SKP2: variants seen among roughly 807,000 people sequenced by gnomAD.
SKP2 encodes S-phase kinase associated protein 2.
A neutral mutation model predicts 51.8 loss-of-function variants in SKP2; 16 were observed. That is an observed-to-expected ratio of 0.31 (90% confidence interval 0.21 to 0.47). SKP2 has a LOEUF of 0.47. SKP2 is among the 20% of genes least tolerant of loss of function. The pLI is 1.00. For missense variants in SKP2, 377 were observed against 505.3 expected (o/e 0.75, Z 2.43); for synonymous variants, 176 against 198.6 (o/e 0.89, Z 0.96).
At chr5:36,192,976 T>G (rs547397304) in intron 7 of SKP2, 1 of 152,342 alleles carries the variant, frequency 6.6e-6, no homozygotes, top group South Asian at 2.1e-4. Flanking sequence ...CCTTTGCCTC[T>G]TATTCTTACA....
Position 36,166,368 on chromosome 5 carries a change from C to T in SKP2, c.393-151C>T, listed in dbSNP as rs574361986. ...CTCTAGTGCCTTAAAAATATCATAG[C>T]TAATTGTATAGCCAACTTAAAAACA... On this transcript the variant is annotated intron_variant, in intron 3 of 9. Transcript: ENST00000274255. The T allele has an allele frequency of 2.5e-5, 15 of 600,060 alleles. No individual in the cohort carries two copies. In the East Asian group the frequency reaches 3.8e-4, roughly 15 times the overall value. 37.2% of individuals were successfully genotyped at this position (600,060 alleles called of 1,614,324 possible). A position where few individuals can be genotyped will look rare whatever the true frequency, so the allele number is the denominator to read the frequency against.
In SKP2 at chr5:36,170,394, C is replaced by G; in HGVS notation, c.722C>G (p.Ser241Cys). 1 of 1,613,372 alleles carries G rather than the reference C, an allele frequency of 6.2e-7. No individual in the cohort carries two copies. The highest frequency in any genetic ancestry group is 8.5e-7 in the Non-Finnish European group (1 of 1,179,566). ...NLVRLNLSGC[S>C]GFSEFALQTL... ...GTGCGACTTAACCTTTCTGGGTGTT[C>G]TGGATTCTCTGAATTTGCCCTGCAG... The change falls in exon 6 of 10, where the codon TCT (serine) becomes TGT (cysteine). Residue 241 changes from serine to cysteine, a missense_variant. Ser to Cys is a moderately radical substitution (Grantham distance 112). Transcript: ENST00000274255.
At position 36,190,683 on chromosome 5, in the gene SKP2, CAAAAAA is replaced by C. The variant is rs70973094; in HGVS notation, c.633-1920_633-1915del. ...AATGATGAAAAACGTCAAACATATG[CAAAAAA>C]AAAAAAAAAAAAAAAAAGAATATGA... is the stretch of plus-strand genomic sequence containing the variant. On this transcript the variant is annotated intron_variant, in intron 6 of 7. Coordinates refer to the SKP2 transcript ENST00000677886. Among the ~76,000 whole-genome samples the C allele has an allele frequency of 8.2e-3, 663 of 81,180 alleles. 12 individuals are homozygous for C. Among genetic ancestry groups the C allele is most frequent in the African/African-American group, 0.033 (616 of 18,744 alleles). 53.3% of individuals were successfully genotyped at this position (81,180 alleles called of 152,430 possible).
intron 2 of SKP2, among the ~76,000 whole-genome samples, chr5:36,162,301 C>T (rs2111965459): frequency 6.6e-6 from 1 of 152,324 alleles, no homozygotes; most frequent in East Asian, 1.9e-4. Flanking sequence ...CTCAAACACA[C>T]ATGCTGTTCC....
chr5:36,180,354 C>A, intron 9 of SKP2: 1 of 843,018 alleles, frequency 1.2e-6, no homozygotes, highest in Middle Eastern at 2.8e-4. Context: ...TTCTACATTC[C>A]AGAAAGCAGT....
rs746936913 is a variant in SKP2, at chr5:36,183,962, G to T, written c.*1931G>T. Reference sequence around the variant, plus strand: ...TTTTGCCAACATGTCAGAGTAATCTGTATTTTTGTATGTGATTTCTACTTT... The same window carrying T: ...TTTTGCCAACATGTCAGAGTAATCTTTATTTTTGTATGTGATTTCTACTTT... On this transcript the variant is annotated 3_prime_UTR_variant, in exon 10 of 10. Transcript: ENST00000274255. 1 of 1,608,216 alleles carries T rather than the reference G, an allele frequency of 6.2e-7. No homozygotes were observed. The highest frequency in any genetic ancestry group is 2.2e-5 in the East Asian group (1 of 44,594).
chr5:36,153,735 A>T (rs33673), intron 2 of SKP2, among the ~76,000 whole-genome samples: 4 of 152,102 alleles, frequency 2.6e-5, no homozygotes, highest in Non-Finnish European at 5.9e-5. Flanking sequence ...TTCTCCCCAG[A>T]TCTATCCCCC....
intron 3 of SKP2, among the ~76,000 whole-genome samples, chr5:36,164,121 A>G (rs993220768): frequency 2.6e-5 from 4 of 152,228 alleles, no homozygotes; most frequent in African/African-American, 9.6e-5. Context: ...GAGAGGGAAC[A>G]CAGGCTTGGT....
intron 4 of SKP2, among the ~76,000 whole-genome samples, chr5:36,167,893 C>T (rs928057548): frequency 3.9e-5 from 6 of 152,324 alleles, no homozygotes; most frequent in South Asian, 2.1e-4. Flanking sequence ...GTTGTGATTA[C>T]AGGCGTGAGC....
intron 7 of SKP2, among the ~76,000 whole-genome samples, chr5:36,172,087 G>A (rs1490811734): frequency 6.6e-6 from 1 of 152,160 alleles, no homozygotes; most frequent in South Asian, 2.1e-4. Context: ...TTCATTAGGG[G>A]CTATTTTGTC....
At position 36,184,028 on chromosome 5, in the gene SKP2, AATG is replaced by A; in HGVS notation, c.*1999_*2001del. On this transcript the variant is annotated 3_prime_UTR_variant, in exon 10 of 10. Transcript: ENST00000274255. ...AAACAATAAAACACATTTTTATAAA[AATG>A]AGTGCTTAAACTAAGTTGTATTCCT... is the stretch of plus-strand genomic sequence containing the variant. 4.6e-6 allele frequency: 6 copies of A among 1,299,646 alleles called. 1 individual carries two copies. The highest frequency in any genetic ancestry group is 6.6e-6 in the Non-Finnish European group (6 of 913,968). 80.5% of individuals were successfully genotyped at this position (1,299,646 alleles called of 1,614,324 possible). A position where few individuals can be genotyped will look rare whatever the true frequency, so the allele number is the denominator to read the frequency against.
At chr5:36,164,151 C>A (rs1745213529) in intron 3 of SKP2, among the ~76,000 whole-genome samples, 1 of 152,110 alleles carries the variant, frequency 6.6e-6, no homozygotes, top group South Asian at 2.1e-4. Flanking sequence ...GAGTGCACAC[C>A]CAGCCTCTGC....
rs1038851204 is a variant in SKP2 at position 36,189,933 on chromosome 5, C to A, written c.633-2688C>A. Among the ~76,000 whole-genome samples the A allele has an allele frequency of 2.2e-4, 33 of 152,186 alleles. 1 individual carries two copies. The highest frequency in any genetic ancestry group is 7.2e-4 in the African/African-American group (30 of 41,448). On this transcript the variant is annotated intron_variant, in intron 6 of 7. Coordinates refer to the SKP2 transcript ENST00000677886. ...CCTCAGCAATGGCAGGCACCCCTCC[C>A]CTAGCCTCGCTGCTGCCTTGCAGTT... is the stretch of plus-strand genomic sequence containing the variant.
At chr5:36,193,178 C>T (rs888035039) in intron 7 of SKP2, 1 of 152,004 alleles carries the variant, frequency 6.6e-6, no homozygotes, top group Non-Finnish European at 1.5e-5. Context: ...GGCATTTTTC[C>T]TTTAAGAAGG....
At chr5:36,161,126 T>A in intron 2 of SKP2, among the ~76,000 whole-genome samples, 1 of 152,092 alleles carries the variant, frequency 6.6e-6, no homozygotes. Flanking sequence ...TTCCTGTTTG[T>A]CTATATCTCT....
chr5:36,183,178 A>C lies in SKP2; in HGVS notation c.*1147A>C. 1 of 976,850 alleles carries C rather than the reference A, an allele frequency of 1.0e-6. No individual in the cohort carries two copies. Among genetic ancestry groups the C allele is most frequent in the East Asian group, 1.1e-4 (1 of 8,780 alleles). The allele number at this position is 976,850 out of a possible 1,614,324, so 60.5% of individuals were successfully genotyped here. Reference sequence around the variant, plus strand: ...CTACTTATACCTACATAAGAGTTAAAATCCAGATGTGGGACCTTTTGATAC... The same window carrying C: ...CTACTTATACCTACATAAGAGTTAACATCCAGATGTGGGACCTTTTGATAC... On this transcript the variant is annotated 3_prime_UTR_variant, in exon 10 of 10. Transcript: ENST00000274255.
downstream of SKP2, among the ~76,000 whole-genome samples, chr5:36,187,765 G>A (rs1373899734): frequency 6.6e-6 from 1 of 152,186 alleles, no homozygotes; most frequent in Non-Finnish European, 1.5e-5. Flanking sequence ...TTGGTGGAGA[G>A]CTGAGTTCAA....
chr5:36,157,825 G>A (rs780382431), intron 2 of SKP2, among the ~76,000 whole-genome samples: 26 of 152,188 alleles, frequency 1.7e-4, no homozygotes, highest in Non-Finnish European at 2.6e-4. Context: ...TGAGTGGAGT[G>A]GAGTGATGTT....
Position 36,163,684 on chromosome 5 carries a change from G to T in SKP2, c.320G>T (p.Gly107Val). Residue 107 changes from glycine to valine, a missense_variant, in exon 3 of 10, where the codon GGA (glycine) becomes GTA (valine). Gly to Val is a moderately radical substitution (Grantham distance 109). This residue lies in a region of SKP2 where 262 missense variants were observed against 389.8 expected (regional missense o/e 0.67). Transcript: ENST00000274255. ...WDSLPDELLLGIFSCLCLPEL... is the reference protein window; with the variant it reads ...WDSLPDELLLVIFSCLCLPEL... ...TCCCTTCCGGATGAGCTGCTCTTGG[G>T]AATCTTTTCCTGTCTGTGCCTCCCT... The T allele has an allele frequency of 6.2e-7, 1 of 1,614,032 alleles. No individual in the cohort carries two copies. The highest frequency in any genetic ancestry group is 1.1e-5 in the South Asian group (1 of 91,084).
Sources: allele counts gnomAD v4.1 joint callset (sites outside exome capture counted in the v4.1 genomes callset), GRCh38; gene constraint gnomAD v4.1.1; regional missense constraint gnomAD v4.1.1; transcripts MANE v1.5; gene names NCBI Gene and HGNC (gene_info 2026-07-23, HGNC 2026-07-21).